Variants in AKAP6 observed in about 807,000 individuals in gnomAD.
AKAP6 encodes the protein A-kinase anchoring protein 6.
In AKAP6, 58 loss-of-function variants were observed where a neutral mutation model predicts 188.5. That is an observed-to-expected ratio of 0.31 (90% CI 0.25 to 0.38). AKAP6 has a LOEUF of 0.38. Among genes scored for constraint, AKAP6 ranks in the 10% least tolerant of loss-of-function variants. The pLI, the probability that AKAP6 is intolerant of heterozygous loss-of-function variation, is 1.00. For missense variants in AKAP6, 2,710 were observed against 2,740.0 expected, an observed-to-expected ratio of 0.99 and a Z score of 0.24; for synonymous variants, 989 against 998.6, an observed-to-expected ratio of 0.99 and a Z score of 0.18.
chr14:32,720,580 G>T (rs754484829), intron 9 of AKAP6, among the ~76,000 whole-genome samples: 6 of 152,164 alleles, frequency 3.9e-5, no homozygotes, highest in Non-Finnish European at 2.9e-5. Context: ...ATTTCTTATA[G>T]CACATATTAG....
At chr14:32,802,097 T>C (rs1274659733) in intron 12 of AKAP6, among the ~76,000 whole-genome samples, 1 of 152,198 alleles carries the variant, frequency 6.6e-6, no homozygotes, top group African/African-American at 2.4e-5. Flanking sequence ...CTTTCTGGTA[T>C]CCCAATTATA....
At chr14:32,490,768 C>G (rs1400110793) in intron 2 of AKAP6, among the ~76,000 whole-genome samples, 1 of 152,180 alleles carries the variant, frequency 6.6e-6, no homozygotes, top group African/African-American at 2.4e-5. Flanking sequence ...TTTGCATTCT[C>G]TATGAGAATA....
intron 5 of AKAP6, among the ~76,000 whole-genome samples, chr14:32,595,636 G>A (rs1331395027): frequency 3.9e-5 from 6 of 152,080 alleles, no homozygotes; most frequent in African/African-American, 1.4e-4. Context: ...AGCTTCCCGA[G>A]TAGCCAGAAC....
chr14:32,339,373 T>C (rs1055975125), intron 1 of AKAP6, among the ~76,000 whole-genome samples: 2 of 152,200 alleles, frequency 1.3e-5, no homozygotes, highest in African/African-American at 4.8e-5. Context: ...CAAGAAATTC[T>C]TGTGGCTGAT....
chr14:32,730,293 C>G (rs2031109720), intron 9 of AKAP6, among the ~76,000 whole-genome samples: 1 of 152,066 alleles, frequency 6.6e-6, no homozygotes, highest in African/African-American at 2.4e-5. Flanking sequence ...TTAAATCAAG[C>G]TGTTTAGACA....
rs199632446 is a variant in AKAP6 at position 32,673,228 on chromosome 14, C to T, written c.2731-5083C>T. Among the ~76,000 whole-genome samples the T allele has an allele frequency of 7.9e-5, 12 of 152,304 alleles. No individual in the cohort carries two copies. The East Asian group carries it at 2.3e-3, about 29-fold the overall frequency. On this transcript the variant is annotated intron_variant, in intron 7 of 13. Transcript: ENST00000280979. ...TCAAGCCTCTGCTCCATACCCCCAA[C>T]CCCCACCTTCAAACAATAAATTATT... is the stretch of plus-strand genomic sequence containing the variant.
chr14:32,348,955 C>T (rs1334309970), intron 1 of AKAP6, among the ~76,000 whole-genome samples: 2 of 152,136 alleles, frequency 1.3e-5, no homozygotes, highest in African/African-American at 2.4e-5. Flanking sequence ...GTTCCTATAC[C>T]GTGGGATTCC....
At chr14:32,336,552 C>T (rs957193919) in intron 1 of AKAP6, among the ~76,000 whole-genome samples, 3 of 152,130 alleles carry the variant, frequency 2.0e-5, no homozygotes, top group African/African-American at 7.2e-5. Flanking sequence ...ACTTGACATA[C>T]ATTTAACATG....
intron 4 of AKAP6, among the ~76,000 whole-genome samples, chr14:32,547,365 C>A (rs955159024): frequency 6.6e-6 from 1 of 152,214 alleles, no homozygotes; most frequent in African/African-American, 2.4e-5. Context: ...ATAGACTATT[C>A]CAGTTACCCC....
intron 5 of AKAP6, among the ~76,000 whole-genome samples, chr14:32,584,259 G>T (rs1389953230): frequency 6.6e-6 from 1 of 152,132 alleles, no homozygotes; most frequent in Non-Finnish European, 1.5e-5. Context: ...TGATAACCTG[G>T]ATGATTACTA....
intron 1 of AKAP6, chr14:32,417,914 A>G (rs1889715317): frequency 6.6e-6 from 1 of 152,192 alleles, no homozygotes; most frequent in African/African-American, 2.4e-5. Flanking sequence ...AGGCATGTGA[A>G]GTATCATTTC....
intron 11 of AKAP6, among the ~76,000 whole-genome samples, chr14:32,739,040 A>T (rs1355774696): frequency 6.6e-6 from 1 of 152,156 alleles, no homozygotes; most frequent in Non-Finnish European, 1.5e-5. Context: ...TCATCTTTAA[A>T]GAAAGGAGAC....
intron 7 of AKAP6, among the ~76,000 whole-genome samples, chr14:32,642,376 T>G (rs1194945001): frequency 1.3e-5 from 2 of 152,230 alleles, no homozygotes; most frequent in Non-Finnish European, 2.9e-5. Flanking sequence ...TTATCGCTAA[T>G]AGATTTTGAT....
intron 5 of AKAP6, among the ~76,000 whole-genome samples, chr14:32,587,753 C>A (rs1391113120): frequency 6.6e-6 from 1 of 152,176 alleles, no homozygotes; most frequent in Non-Finnish European, 1.5e-5. Flanking sequence ...CACAGGACAG[C>A]CCACTGCTCT....
rs1280419557 is a variant in AKAP6 at position 32,817,601 on chromosome 14, GAATT to G, written c.3589-3796_3589-3793del. Among the ~76,000 whole-genome samples the G allele has an allele frequency of 6.3e-4, 95 of 151,904 alleles. 1 individual carries two copies. Among genetic ancestry groups the G allele is most frequent in the Non-Finnish European group, 7.4e-5 (5 of 67,934 alleles). ...GTCTATGAATAGAAGACCCTTGCATGAATTAATTCAGAATTATTTCTGGAATTGC... is the reference window on the plus strand; with the variant it reads ...GTCTATGAATAGAAGACCCTTGCATGAATTCAGAATTATTTCTGGAATTGC... On this transcript the variant is annotated intron_variant, in intron 12 of 13. Coordinates refer to ENST00000280979, the MANE Select transcript of AKAP6 (RefSeq NM_004274.5).
intron 2 of AKAP6, among the ~76,000 whole-genome samples, chr14:32,515,389 G>C (rs1881469090): frequency 6.6e-6 from 1 of 152,074 alleles, no homozygotes; most frequent in Non-Finnish European, 1.5e-5. Flanking sequence ...ACCTTTCAAT[G>C]TACCTAGGAC....
intron 4 of AKAP6, among the ~76,000 whole-genome samples, chr14:32,556,915 C>G (rs1396467411): frequency 6.6e-6 from 1 of 151,346 alleles, no homozygotes; most frequent in Non-Finnish European, 1.5e-5. Flanking sequence ...TGAGTTCTCT[C>G]TCTCTCTTTT....
intron 7 of AKAP6, among the ~76,000 whole-genome samples, chr14:32,638,882 T>G (rs1014068357): frequency 6.6e-6 from 1 of 151,896 alleles, no homozygotes. Context: ...CAGAAAAACA[T>G]AGACTAAAAT....
At chr14:32,795,249 A>T (rs1310618638) in intron 12 of AKAP6, among the ~76,000 whole-genome samples, 1 of 152,176 alleles carries the variant, frequency 6.6e-6, no homozygotes, top group African/African-American at 2.4e-5. Context: ...ATTCCAAAAA[A>T]ATTGAAAAAG....
Sources: gnomAD v4.1 joint callset for allele counts (sites outside exome capture counted in the v4.1 genomes callset) on GRCh38, gnomAD v4.1.1 for gene constraint, MANE v1.5 for transcripts, NCBI Gene and HGNC (gene_info 2026-07-23, HGNC 2026-07-21) for gene names.